CCDC3: variants seen among roughly 807,000 people sequenced by gnomAD.
CCDC3 encodes coiled-coil domain-containing protein 3.
Under a neutral mutation model 21.4 loss-of-function variants are expected in CCDC3, and 24 were observed. The ratio of observed to expected loss-of-function variants is 1.12; its 90% CI spans 0.81 to 1.58. The LOEUF is 1.58. CCDC3 is among the 40% of genes most tolerant of loss of function. The pLI, the probability that CCDC3 is intolerant of heterozygous loss-of-function variation, is 0.00. For synonymous variants in CCDC3, 186 were observed against 166.0 expected (o/e 1.12, Z -0.93); for missense variants, 425 against 360.9 (o/e 1.18, Z -1.44).
chr10:12,931,199 A>G (rs1834634571), intron 2 of CCDC3, among the ~76,000 whole-genome samples: 1 of 125,540 alleles, frequency 8.0e-6, no homozygotes, highest in African/African-American at 3.3e-5. Flanking sequence ...CCACAGAGCA[A>G]GACTCTGTCA....
At chr10:13,080,825 C>A (rs894655079) in intron 3 of CCDC3, among the ~76,000 whole-genome samples, 1 of 152,276 alleles carries the variant, frequency 6.6e-6, no homozygotes, top group African/African-American at 2.4e-5. Flanking sequence ...ACAGCACAGC[C>A]CAGCCCAAGG....
At chr10:12,982,525 G>A (rs533572478) in intron 2 of CCDC3, among the ~76,000 whole-genome samples, 2 of 152,094 alleles carry the variant, frequency 1.3e-5, no homozygotes, top group Admixed American at 1.3e-4. Context: ...CGGGTGCAGT[G>A]GCTCACACCA....
chr10:13,063,230 C>T (rs113854568), intron 4 of CCDC3, among the ~76,000 whole-genome samples: 1,732 of 49,484 alleles, frequency 0.035, 32 homozygotes, highest in African/African-American at 0.12. Context: ...TATTGCAGTT[C>T]CCCTGTCTTG....
At chr10:13,085,977 AAAAG>A (rs1338570233) in intron 3 of CCDC3, among the ~76,000 whole-genome samples, 1 of 151,930 alleles carries the variant, frequency 6.6e-6, no homozygotes, top group Non-Finnish European at 1.5e-5. Flanking sequence ...AAAAAAAAAA[AAAAG>A]AAAGAAAGAA....
intron 4 of CCDC3, among the ~76,000 whole-genome samples, chr10:13,057,194 T>A (rs1352051409): frequency 6.6e-6 from 1 of 151,944 alleles, no homozygotes; most frequent in Non-Finnish European, 1.5e-5. Flanking sequence ...CTCAGGGGGC[T>A]GAGGCAGGAG....
intron 2 of CCDC3, among the ~76,000 whole-genome samples, chr10:12,995,151 T>C (rs1835741749): frequency 1.3e-5 from 2 of 151,888 alleles, no homozygotes; most frequent in South Asian, 2.1e-4. Context: ...CTCCAGGGTA[T>C]GTAAAAATAT....
chr10:13,089,625 C>G (rs1373399575), intron 3 of CCDC3, among the ~76,000 whole-genome samples: 1 of 151,322 alleles, frequency 6.6e-6, no homozygotes, highest in South Asian at 2.1e-4. Context: ...CTTTCAGCAC[C>G]CCCCCTTAAA....
At chr10:13,041,468 G>A (rs374130079) in intron 5 of CCDC3, among the ~76,000 whole-genome samples, 105 of 131,670 alleles carry the variant, frequency 8.0e-4, no homozygotes, top group African/African-American at 2.1e-3. Context: ...TTTCCCCCTC[G>A]CTGTGTGTAA....
intron 2 of CCDC3, among the ~76,000 whole-genome samples, chr10:12,977,694 A>C (rs1043014254): frequency 1.2e-4 from 18 of 152,352 alleles, no homozygotes; most frequent in Admixed American, 7.2e-4. Context: ...CAGACTTTAG[A>C]AGCAGTTTTC....
At chr10:13,096,030 C>G (rs1011932262) in intron 3 of CCDC3, among the ~76,000 whole-genome samples, 3 of 152,124 alleles carry the variant, frequency 2.0e-5, no homozygotes, top group African/African-American at 7.2e-5. Flanking sequence ...TCTTTGGCAT[C>G]TGGGGTAGCA....
intron 2 of CCDC3, among the ~76,000 whole-genome samples, chr10:12,940,229 GTTTT>G (rs34664068): frequency 9.5e-6 from 1 of 105,206 alleles, no homozygotes; most frequent in Admixed American, 9.5e-5. Flanking sequence ...CATTGAAATT[GTTTT>G]TTTTTTTTTT....
intron 4 of CCDC3, among the ~76,000 whole-genome samples, chr10:13,063,144 T>C (rs1275583078): frequency 2.0e-5 from 3 of 152,078 alleles, no homozygotes; most frequent in Admixed American, 6.5e-5. Context: ...TCCCCGAATG[T>C]TCGGGGAGAC....
intron 2 of CCDC3, among the ~76,000 whole-genome samples, chr10:12,909,456 T>C (rs1239520167): frequency 1.3e-5 from 2 of 152,210 alleles, no homozygotes; most frequent in African/African-American, 2.4e-5. Flanking sequence ...CCATGGAGTG[T>C]GGGTGTGCCA....
intron 2 of CCDC3, among the ~76,000 whole-genome samples, chr10:12,938,779 G>C (rs917608142): frequency 2.6e-5 from 4 of 151,980 alleles, no homozygotes; most frequent in Admixed American, 2.6e-4. Context: ...AGTAACTATT[G>C]TAACTATTTA....
At chr10:13,028,494 G>A (rs150981400) in intron 5 of CCDC3, among the ~76,000 whole-genome samples, 1 of 152,068 alleles carries the variant, frequency 6.6e-6, no homozygotes, top group African/African-American at 2.4e-5. Flanking sequence ...CACCCAGACA[G>A]CTGAACAACT....
At chr10:12,926,356 G>A (rs1345226831) in intron 2 of CCDC3, among the ~76,000 whole-genome samples, 1 of 152,196 alleles carries the variant, frequency 6.6e-6, no homozygotes, top group Non-Finnish European at 1.5e-5. Flanking sequence ...ACTTAAGCAT[G>A]GCAGGCAATA....
chr10:13,077,432 G>A (rs1017098443), intron 3 of CCDC3, among the ~76,000 whole-genome samples: 48 of 152,292 alleles, frequency 3.2e-4, no homozygotes, highest in Non-Finnish European at 5.4e-4. Context: ...TGGCCATACT[G>A]CCCAAGGTAA....
At chr10:13,041,418 C>T (rs1420512642) in intron 5 of CCDC3, among the ~76,000 whole-genome samples, 2 of 151,124 alleles carry the variant, frequency 1.3e-5, no homozygotes, top group Admixed American at 1.3e-4. Flanking sequence ...GGCTCCACAC[C>T]GTGATATCTT....
At chr10:13,029,850 C>G (rs564769573) in intron 5 of CCDC3, among the ~76,000 whole-genome samples, 3 of 152,052 alleles carry the variant, frequency 2.0e-5, no homozygotes, top group East Asian at 1.9e-4. Flanking sequence ...GTGAAAAGAC[C>G]AAATCTAGGT....
Sources: gnomAD v4.1 joint callset for allele counts (sites outside exome capture counted in the v4.1 genomes callset) on GRCh38, gnomAD v4.1.1 for gene constraint, MANE v1.5 for transcripts, NCBI Gene and HGNC (gene_info 2026-07-23, HGNC 2026-07-21) for gene names.